The following XRN1 variants were observed in gnomAD, a reference collection of about 807,000 sequenced individuals.
XRN1 encodes the protein 5'-3' exoribonuclease 1.
A neutral mutation model predicts 222.3 loss-of-function variants in XRN1; 67 were observed. The ratio of observed to expected loss-of-function variants is 0.30; its 90% CI spans 0.25 to 0.37. XRN1 has a LOEUF of 0.37. Ranked by LOEUF, XRN1 falls within the 10% of genes least tolerant of loss-of-function variation. The pLI, the probability that XRN1 is intolerant of heterozygous loss-of-function variation, is 1.00. For missense variants in XRN1, 1,707 were observed against 2,000.2 expected (o/e 0.85, Z 2.80); for synonymous variants, 643 against 652.4 (o/e 0.99, Z 0.22).
rs56952263 is a variant in XRN1, at chr3:142,391,749, A to AAT, written c.2339+5578_2339+5579dup. Among the ~76,000 whole-genome samples, 910 of 103,400 alleles carry AAT rather than the reference A, an allele frequency of 8.8e-3. 14 individuals carry two copies. The highest frequency in any genetic ancestry group is 0.027 in the African/African-American group (766 of 28,018). 67.8% of individuals were successfully genotyped at this position (103,400 alleles called of 152,430 possible). ...ACCCCGTCTCACTAAAAAAAAAAAA[A>AAT]ATATATATATATATATATATATATA... is the stretch of plus-strand genomic sequence containing the variant. On this transcript the variant is annotated intron_variant, in intron 20 of 40. Transcript: ENST00000392981.
chr3:142,404,908 T>C lies in XRN1; in HGVS notation c.1882A>G (p.Arg628Gly). The change falls in exon 16 of 41, where the codon AGG (arginine) becomes GGG (glycine). Residue 628 changes from arginine (R) to glycine (G), a missense_variant and splice_region_variant. Coordinates refer to ENST00000392981, the MANE Select transcript of XRN1 (RefSeq NM_001282857.2). The part of the protein sequence containing the change: ...KFPAIERCCT[R>G]YKIISLDAWR... ...TGAAAAATTACCAAGTAACATTACC[T>C]TGTACAACATCGTTCTATGGCAGGG... The C allele has an allele frequency of 1.2e-6, 2 of 1,613,938 alleles. No homozygotes were observed. Among genetic ancestry groups the C allele is most frequent in the Non-Finnish European group, 1.7e-6 (2 of 1,179,860 alleles).
chr3:142,374,919 G>T (rs548020886), intron 25 of XRN1, among the ~76,000 whole-genome samples: 15 of 152,228 alleles, frequency 9.9e-5, no homozygotes, highest in African/African-American at 3.6e-4. Context: ...TACAAAAAGG[G>T]GAAATTAGGA....
At position 142,447,368 on chromosome 3, in the gene XRN1, A is replaced by G. The variant is rs889823137; in HGVS notation, c.75+502T>C. On this transcript the variant is annotated intron_variant, in intron 1 of 40. Coordinates refer to ENST00000392981, the MANE Select transcript of XRN1 (RefSeq NM_001282857.2). The surrounding 1 kb of genome is among the most constrained non-coding windows in gnomAD (Gnocchi z 4.2). Reference sequence around the variant, plus strand: ...CAATATGACCATCAGCCACGTCGGAAAGTCTAGGCTCCGGGGGCCGGGTGG... The same window carrying G: ...CAATATGACCATCAGCCACGTCGGAGAGTCTAGGCTCCGGGGGCCGGGTGG... Among the ~76,000 whole-genome samples, 6 of 152,198 alleles carry G rather than the reference A, an allele frequency of 3.9e-5. No individual in the cohort carries two copies. Among genetic ancestry groups the G allele is most frequent in the African/African-American group, 1.4e-4 (6 of 41,452 alleles).
chr3:142,351,716 T>G (rs1023898271), intron 32 of XRN1, among the ~76,000 whole-genome samples: 9 of 151,974 alleles, frequency 5.9e-5, no homozygotes, highest in Admixed American at 6.6e-5. Context: ...ACTAATGACT[T>G]TGACTGTAAC....
chr3:142,325,570 T>A (rs866482339), intron 37 of XRN1, among the ~76,000 whole-genome samples: 46 of 152,166 alleles, frequency 3.0e-4, no homozygotes, highest in Non-Finnish European at 1.8e-4. Context: ...TGGCTATTAA[T>A]ATCTTGTCAG....
At chr3:142,440,897 G>A (rs193233486) in intron 1 of XRN1, among the ~76,000 whole-genome samples, 1 of 152,306 alleles carries the variant, frequency 6.6e-6, no homozygotes, top group African/African-American at 2.4e-5. Flanking sequence ...TACCCCAAGG[G>A]TTCAGGGATA....
intron 37 of XRN1, among the ~76,000 whole-genome samples, chr3:142,328,066 C>T (rs950143316): frequency 6.6e-6 from 1 of 152,172 alleles, no homozygotes; most frequent in Non-Finnish European, 1.5e-5. Flanking sequence ...TTTATCCAAT[C>T]ATCTGTTGAT....
chr3:142,426,687 A>G, intron 3 of XRN1, 57 bp downstream of exon 3: 2 of 1,518,092 alleles, frequency 1.3e-6, no homozygotes. Context: ...ACATTTAAAA[A>G]CCAAGTTTTC....
In XRN1 at chr3:142,311,603, T is replaced by C. The variant is rs766211078; in HGVS notation, c.4993A>G (p.Ile1665Val). 2.8e-5 allele frequency: 45 copies of C among 1,614,160 alleles called. No individual in the cohort carries two copies. The highest frequency in any genetic ancestry group is 3.8e-5 in the Non-Finnish European group (45 of 1,180,004). ...QVETASQGHS[I>V]SHHKSTPISS... ...ATTGGTGTTGACTTATGGTGAGATA[T>C]ACTATGGCCTTGAGAGGCAGTTTCA... is the stretch of plus-strand genomic sequence containing the variant. Residue 1665 changes from isoleucine to valine, a missense_variant, in exon 41 of 41, where the codon ATA (isoleucine) becomes GTA (valine). Ile to Val is a conservative substitution (Grantham distance 29). Transcript: ENST00000392981.
At chr3:142,405,101 G>A (rs1266049563) in intron 15 of XRN1, 25 bp from the exon 16 acceptor site, 1 of 1,602,690 alleles carries the variant, frequency 6.2e-7, no homozygotes, top group Non-Finnish European at 8.5e-7. Flanking sequence ...TGAAGAGAAG[G>A]GTTACAAGCA....
intron 15 of XRN1, among the ~76,000 whole-genome samples, chr3:142,409,441 T>C (rs1420949701): frequency 1.3e-5 from 2 of 152,216 alleles, no homozygotes; most frequent in South Asian, 2.1e-4. Flanking sequence ...CTTTACTCAC[T>C]GAATGCTTTG....
At chr3:142,445,865 T>C (rs1197033796) in intron 1 of XRN1, among the ~76,000 whole-genome samples, 3 of 152,228 alleles carry the variant, frequency 2.0e-5, no homozygotes, top group Non-Finnish European at 2.9e-5. Flanking sequence ...CTCCTCTGTT[T>C]CAGCTACCGC....
intron 19 of XRN1, 78 bp from the exon 20 acceptor site, chr3:142,397,538 A>G (rs559362329): frequency 1.6e-6 from 2 of 1,220,392 alleles, no homozygotes; most frequent in East Asian, 5.8e-5. Context: ...AGTCTTCCAA[A>G]TGAAATATTT....
At chr3:142,386,444 G>A (rs936997221) in intron 20 of XRN1, among the ~76,000 whole-genome samples, 12 of 151,786 alleles carry the variant, frequency 7.9e-5, no homozygotes, top group Non-Finnish European at 1.0e-4. Flanking sequence ...TGACAGCTGC[G>A]GAAAAAACAT....
At chr3:142,344,616 T>C (rs368570276) in intron 33 of XRN1, among the ~76,000 whole-genome samples, 1 of 150,388 alleles carries the variant, frequency 6.6e-6, no homozygotes, top group East Asian at 1.9e-4. Flanking sequence ...AAATGAACAA[T>C]CAAAAAATAA....
chr3:142,368,934 T>C (rs990434008), intron 27 of XRN1, among the ~76,000 whole-genome samples: 6 of 152,226 alleles, frequency 3.9e-5, no homozygotes, highest in Non-Finnish European at 8.8e-5. Flanking sequence ...ACTCAGTTTA[T>C]CTTTTTGAGG....
intron 27 of XRN1, among the ~76,000 whole-genome samples, chr3:142,365,670 C>G (rs2066792061): frequency 2.0e-5 from 3 of 152,050 alleles, no homozygotes; most frequent in African/African-American, 7.2e-5. Flanking sequence ...CTATGTATAA[C>G]TATACCTGGT....
chr3:142,367,356 T>C (rs1455518803), intron 27 of XRN1, among the ~76,000 whole-genome samples: 2 of 137,568 alleles, frequency 1.5e-5, no homozygotes, highest in African/African-American at 5.9e-5. Context: ...ATGAGAACTA[T>C]ATTTTAACAA....
intron 33 of XRN1, among the ~76,000 whole-genome samples, chr3:142,346,035 A>AG (rs2066134844): frequency 6.6e-6 from 1 of 152,254 alleles, no homozygotes; most frequent in South Asian, 2.1e-4. Flanking sequence ...TCATATGCAT[A>AG]TACCCAAGAG....
Sources: gnomAD v4.1 joint callset for allele counts (sites outside exome capture counted in the v4.1 genomes callset) on GRCh38, gnomAD v4.1.1 for gene constraint, Gnocchi (gnomAD v3.1) non-coding constraint, MANE v1.5 for transcripts, NCBI Gene and HGNC (gene_info 2026-07-23, HGNC 2026-07-21) for gene names.